CACNA1E: variants seen among roughly 807,000 people sequenced by gnomAD.
CACNA1E encodes the protein voltage-dependent R-type calcium channel subunit alpha-1E.
A neutral mutation model predicts 259.2 loss-of-function variants in CACNA1E; 40 were observed. The ratio of observed to expected loss-of-function variants is 0.15; its 90% CI spans 0.12 to 0.20. The LOEUF (loss-of-function observed/expected upper bound fraction) is 0.20. CACNA1E is among the 10% of genes least tolerant of loss of function. CACNA1E has a pLI of 1.00. For synonymous variants in CACNA1E, 1,104 were observed against 1,138.5 expected, an observed-to-expected ratio of 0.97 and a Z score of 0.61; for missense variants, 1,874 against 3,040.1, an observed-to-expected ratio of 0.62 and a Z score of 9.02.
intron 1 of CACNA1E, among the ~76,000 whole-genome samples, chr1:181,373,728 G>A (rs527699125): frequency 4.3e-4 from 65 of 151,224 alleles, no homozygotes; most frequent in Admixed American, 8.6e-4. Context: ...TAGTAGAGAC[G>A]GGGTTTCACC....
chr1:181,775,959 C>T (rs1659937474), intron 37 of CACNA1E, 142 bp from the exon 38 acceptor site: 2 of 735,670 alleles, frequency 2.7e-6, no homozygotes, highest in East Asian at 5.1e-5. Context: ...CTTGCAGATC[C>T]CTGACTATTC....
In CACNA1E at chr1:181,582,213, G is replaced by A. The variant is rs1011053243; in HGVS notation, c.951+1437G>A. Among the ~76,000 whole-genome samples the A allele has an allele frequency of 8.5e-5, 13 of 152,316 alleles. No homozygotes were observed. The Middle Eastern group carries it at 0.01, about 120-fold the overall frequency. ...TAAAGGGCAGTGAAGAAGTCCCAAG[G>A]ACCAGCTTACACCCAGCAAGCCCAG... is the stretch of plus-strand genomic sequence containing the variant. On this transcript the variant is annotated intron_variant, in intron 6 of 47. Transcript: ENST00000367573.
chr1:181,332,116 A>G (rs1038339372), intron 1 of CACNA1E, among the ~76,000 whole-genome samples: 5 of 152,256 alleles, frequency 3.3e-5, no homozygotes, highest in Admixed American at 2.6e-4. Flanking sequence ...ACGTAGGAAC[A>G]GAAAATCAAA....
At chr1:181,611,309 T>C (rs1285593232) in intron 6 of CACNA1E, among the ~76,000 whole-genome samples, 1 of 152,192 alleles carries the variant, frequency 6.6e-6, no homozygotes, top group Non-Finnish European at 1.5e-5. Context: ...CTTTATTGCA[T>C]GCTGACTATG....
At chr1:181,380,640 T>G (rs2101993563) in intron 1 of CACNA1E, among the ~76,000 whole-genome samples, 1 of 152,232 alleles carries the variant, frequency 6.6e-6, no homozygotes, top group East Asian at 1.9e-4. Context: ...AATTAAAACC[T>G]TAACAAGGCA....
rs537727424 is a variant in CACNA1E, at chr1:181,449,210, G to A, written c.435-34534G>A. Among the ~76,000 whole-genome samples the A allele has an allele frequency of 2.0e-5, 3 of 152,274 alleles. No homozygotes were observed. The East Asian group carries it at 5.8e-4, about 29-fold the overall frequency. On this transcript the variant is annotated intron_variant, in intron 2 of 11. Transcript: ENST00000524607. ...ATGCTGTGGCACTTTGGAAGCTCAC[G>A]TTTCCAAGCCAGAGATACTTCATTT...
intron 2 of CACNA1E, among the ~76,000 whole-genome samples, chr1:181,462,668 A>G (rs148500182): frequency 6.6e-6 from 1 of 152,340 alleles, no homozygotes; most frequent in African/African-American, 2.4e-5. Context: ...ATATTTCATT[A>G]CCATGTGCAT....
Position 181,785,428 on chromosome 1 carries a change from A to G in CACNA1E, c.5679+10A>G. 1 of 1,573,284 alleles carries G rather than the reference A, an allele frequency of 6.4e-7. No individual in the cohort carries two copies. Among genetic ancestry groups the G allele is most frequent in the East Asian group, 2.2e-5 (1 of 44,636 alleles). ...GCAGCTGGAGGAACAGGTGAAAGTC[A>G]ATGCCAGCATGCTAAGTGGGTGGGC... On this transcript the variant is annotated intron_variant, in intron 42 of 47. Coordinates refer to ENST00000367573, the MANE Select transcript of CACNA1E (RefSeq NM_001205293.3).
At chr1:181,630,039 T>C (rs139671148) in intron 6 of CACNA1E, among the ~76,000 whole-genome samples, 2 of 152,196 alleles carry the variant, frequency 1.3e-5, no homozygotes, top group African/African-American at 4.8e-5. Flanking sequence ...CAAAATGCTA[T>C]GTGTAAGTTT....
At chr1:181,721,635 TG>T in intron 15 of CACNA1E, 122 bp from the exon 16 acceptor site, 2 of 534,764 alleles carry the variant, frequency 3.7e-6, no homozygotes, top group Middle Eastern at 5.1e-4. Flanking sequence ...TTTAACTCCC[TG>T]GCAAGATTGT....
At chr1:181,595,609 G>T (rs979279777) in intron 6 of CACNA1E, among the ~76,000 whole-genome samples, 1 of 152,146 alleles carries the variant, frequency 6.6e-6, no homozygotes, top group Non-Finnish European at 1.5e-5. Flanking sequence ...GCACTGGAAT[G>T]GTGTGACAGT....
At chr1:181,757,856 C>A in intron 30 of CACNA1E, 91 bp from the exon 31 acceptor site, 1 of 1,404,418 alleles carries the variant, frequency 7.1e-7, no homozygotes, top group Non-Finnish European at 9.8e-7. Context: ...TTTTCCCATT[C>A]ACCGTCCTCC....
At chr1:181,511,026 G>A (rs1478280921) in intron 2 of CACNA1E, among the ~76,000 whole-genome samples, 9 of 152,224 alleles carry the variant, frequency 5.9e-5, no homozygotes, top group Non-Finnish European at 1.3e-4. Context: ...TAAAATTCAC[G>A]TGTGTACTTG....
intron 7 of CACNA1E, 40 bp downstream of exon 7, chr1:181,651,481 C>A: frequency 7.1e-7 from 1 of 1,401,642 alleles, no homozygotes; most frequent in Non-Finnish European, 1.0e-6. Flanking sequence ...CATTTGCTGA[C>A]TGCTAACTGT....
intron 25 of CACNA1E, among the ~76,000 whole-genome samples, chr1:181,745,036 G>A (rs3843280): frequency 0.7 from 106,907 of 152,040 alleles, 37,765 homozygotes; most frequent in South Asian, 0.79. Flanking sequence ...GATGATCAAT[G>A]CCCATGGACT....
chr1:181,778,188 A>G (rs1040988430), intron 38 of CACNA1E, among the ~76,000 whole-genome samples: 1 of 152,308 alleles, frequency 6.6e-6, no homozygotes, highest in East Asian at 1.9e-4. Flanking sequence ...TGGGTGAGGA[A>G]GACTAACAAA....
At chr1:181,750,350 T>A in intron 25 of CACNA1E, 126 bp from the exon 26 acceptor site, 1 of 771,196 alleles carries the variant, frequency 1.3e-6, no homozygotes, top group Admixed American at 2.2e-5. Flanking sequence ...TCTGATTCCC[T>A]ATCATTGTAG....
At chr1:181,759,682 C>G (rs545921070) in intron 32 of CACNA1E, among the ~76,000 whole-genome samples, 4 of 152,284 alleles carry the variant, frequency 2.6e-5, no homozygotes. Context: ...CAGTGGGATG[C>G]AAGCCCATGT....
Position 181,771,494 on chromosome 1 carries a change from T to C in CACNA1E, c.4973+110T>C, listed in dbSNP as rs1659509665. 1.6e-5 allele frequency: 11 copies of C among 682,276 alleles called. No homozygotes were observed. The East Asian group carries it at 3.0e-4, about 19-fold the overall frequency. 42.3% of individuals were successfully genotyped at this position (682,276 alleles called of 1,614,324 possible). ...TGTATCTTTATTCCACTTCCTTTGC[T>C]CCTGTCAGTAGAAAGGGGAACAGGC... On this transcript the variant is annotated intron_variant, in intron 36 of 47. Coordinates refer to ENST00000367573, the MANE Select transcript of CACNA1E (RefSeq NM_001205293.3).
Sources: gnomAD v4.1 joint callset for allele counts (sites outside exome capture counted in the v4.1 genomes callset) on GRCh38, gnomAD v4.1.1 for gene constraint, MANE v1.5 for transcripts, NCBI Gene and HGNC (gene_info 2026-07-23, HGNC 2026-07-21) for gene names.